Variants in CHST5 observed in about 807,000 individuals in gnomAD.
CHST5 encodes the protein carbohydrate sulfotransferase 5.
For missense variants in CHST5, 637 were observed against 602.1 expected (o/e 1.06, Z -0.61); for synonymous variants, 313 against 279.2 (o/e 1.12, Z -1.21).
In CHST5 at chr16:75,528,981, C is replaced by G. The variant is rs2080485370; in HGVS notation, c.*168G>C. On this transcript the variant is annotated 3_prime_UTR_variant, in exon 4 of 4. Transcript: ENST00000336257. ...GAAGACTCAAAGGAAAACCGAGAAT[C>G]AGGAGAGAAAGAAACGTGCAGTCCT... The G allele has an allele frequency of 1.5e-6, 1 of 670,632 alleles. No individual in the cohort carries two copies. Among genetic ancestry groups the G allele is most frequent in the South Asian group, 2.4e-5 (1 of 41,500 alleles). The allele number at this position is 670,632 out of a possible 1,614,324, so 41.5% of individuals were successfully genotyped here. A position where few individuals can be genotyped will look rare whatever the true frequency, so the allele number is the denominator to read the frequency against.
Position 75,529,174 on chromosome 16 carries a change from T to C in CHST5, c.1211A>G (p.His404Arg). ...TCAGTCAGGCGATGCCCAGCTGAAG[T>C]GGTCTGGGCCTCGTGGCAGCACCAG... ...LDLVLPRGPD[H>R]FSWASPD Residue 404 changes from histidine (H) to arginine (R), a missense_variant, in exon 4 of 4, where the codon CAC becomes CGC. Coordinates refer to ENST00000336257, the MANE Select transcript of CHST5 (RefSeq NM_024533.5). The C allele has an allele frequency of 1.9e-6, 3 of 1,592,200 alleles. No individual in the cohort carries two copies. Among genetic ancestry groups the C allele is most frequent in the Non-Finnish European group, 2.6e-6 (3 of 1,166,706 alleles).
chr16:75,531,688 C>T, intron 3 of CHST5, 48 bp from the exon 4 acceptor site: 1 of 1,272,744 alleles, frequency 7.9e-7, no homozygotes, highest in Non-Finnish European at 1.0e-6. Flanking sequence ...AGAGAGACAG[C>T]CCTGTACATA....
intron 2 of CHST5, among the ~76,000 whole-genome samples, chr16:75,534,756 C>G: frequency 6.6e-6 from 1 of 152,356 alleles, no homozygotes; most frequent in South Asian, 2.1e-4. Context: ...CAGTGAGGCA[C>G]GACTCCACTT....
At position 75,535,317 on chromosome 16, in the gene CHST5, G is replaced by C. The variant is rs2080553428; in HGVS notation, c.-1542C>G. 1 of 152,384 alleles carries C rather than the reference G, an allele frequency of 6.6e-6. No individual in the cohort carries two copies. Among genetic ancestry groups the C allele is most frequent in the Non-Finnish European group, 1.5e-5 (1 of 68,146 alleles). The allele number at this position is 152,384 out of a possible 1,614,324, so 9.4% of individuals were successfully genotyped here. A position where few individuals can be genotyped will look rare whatever the true frequency, so the allele number is the denominator to read the frequency against. On this transcript the variant is annotated 5_prime_UTR_variant, in exon 2 of 4. Coordinates refer to ENST00000336257, the MANE Select transcript of CHST5 (RefSeq NM_024533.5). ...TCCCAAGACTATTAAGGGACACCCA[G>C]TGAGGCTGGGAAAGGGGCTCTAAGA...
At position 75,531,320 on chromosome 16, in the gene CHST5, C is replaced by CAAA. The variant is rs370791209; in HGVS notation, c.-939_-937dup. On this transcript the variant is annotated 5_prime_UTR_variant, in exon 4 of 4. Coordinates refer to ENST00000336257, the MANE Select transcript of CHST5 (RefSeq NM_024533.5). ...CTGAGTGAAGAGTGAGACTCCGTTTCAAAAAAAAAAAAAAAAACAACAAAA... is the reference window on the plus strand; with the variant it reads ...CTGAGTGAAGAGTGAGACTCCGTTTCAAAAAAAAAAAAAAAAAAAACAACAAAA... 3.1e-3 allele frequency: 2,306 copies of CAAA among 739,802 alleles called. No individual in the cohort carries two copies. Among genetic ancestry groups the CAAA allele is most frequent in the East Asian group, 8.7e-3 (59 of 6,760 alleles). 45.8% of individuals were successfully genotyped at this position (739,802 alleles called of 1,614,324 possible). A position where few individuals can be genotyped will look rare whatever the true frequency, so the allele number is the denominator to read the frequency against.
chr16:75,533,008 G>C, intron 3 of CHST5, 81 bp downstream of exon 3: 1 of 640,456 alleles, frequency 1.6e-6, no homozygotes, highest in Non-Finnish European at 2.8e-6. Flanking sequence ...CTGCTGCTCT[G>C]GCCCAAACAC....
At position 75,536,094 on chromosome 16, in the gene CHST5, G is replaced by C. The variant is rs567956643; in HGVS notation, c.-1685C>G. 6.6e-6 allele frequency among the ~76,000 whole-genome samples: 1 copy of C among 152,314 alleles called. No homozygotes were observed. The highest frequency in any genetic ancestry group is 2.1e-4 in the South Asian group (1 of 4,832). On this transcript the variant is annotated 5_prime_UTR_variant, in exon 1 of 4. Coordinates refer to ENST00000336257, the MANE Select transcript of CHST5 (RefSeq NM_024533.5). ...CCTCCCGGTGCAGTGTCCCAGCTGG[G>C]AGGAGTTGAAAGACCAGGTGGCCTT...
At position 75,528,732 on chromosome 16, in the gene CHST5, G is replaced by A. The variant is rs1033200685; in HGVS notation, c.*417C>T. The A allele has an allele frequency of 1.2e-5, 2 of 160,782 alleles. No homozygotes were observed. 10.0% of individuals were successfully genotyped at this position (160,782 alleles called of 1,614,324 possible). A position where few individuals can be genotyped will look rare whatever the true frequency, so the allele number is the denominator to read the frequency against. On this transcript the variant is annotated 3_prime_UTR_variant, in exon 4 of 4. Transcript: ENST00000336257. ...CGGACTAATTTTTGCATTTTTAGTA[G>A]AGAGGGGGTTTCACTATGTTGGCCA...
In CHST5 at chr16:75,531,551, G is replaced by A. The variant is rs960326211; in HGVS notation, c.-1167C>T. 47 of 1,303,534 alleles carry A rather than the reference G, an allele frequency of 3.6e-5. No individual in the cohort carries two copies. The highest frequency in any genetic ancestry group is 4.4e-5 in the Non-Finnish European group (44 of 988,888). 80.7% of individuals were successfully genotyped at this position (1,303,534 alleles called of 1,614,324 possible). On this transcript the variant is annotated 5_prime_UTR_variant, in exon 4 of 4. Coordinates refer to ENST00000336257, the MANE Select transcript of CHST5 (RefSeq NM_024533.5). ...AGCAGAGAGGTGAGAGCAGAGTACT[G>A]TCCTGGCCAGCTGAGGGGACTCACC...
At chr16:75,535,701 G>A (rs2080556402) in intron 1 of CHST5, among the ~76,000 whole-genome samples, 1 of 151,838 alleles carries the variant, frequency 6.6e-6, no homozygotes, top group Non-Finnish European at 1.5e-5. Flanking sequence ...CCCCACCCCC[G>A]ACCGAGGGGC....
At chr16:75,533,638 G>A (rs1597029823) in intron 2 of CHST5, among the ~76,000 whole-genome samples, 1 of 152,124 alleles carries the variant, frequency 6.6e-6, no homozygotes, top group South Asian at 2.1e-4. Context: ...CGCAGACTTG[G>A]CCTCCCAAAG....
At chr16:75,535,550 A>G (rs996448232) in intron 1 of CHST5, among the ~76,000 whole-genome samples, 141 bp from the exon 2 acceptor site, 22 of 152,334 alleles carry the variant, frequency 1.4e-4, no homozygotes, top group African/African-American at 4.6e-4. Flanking sequence ...GCGCCGGCCA[A>G]CAACCCTCGG....
chr16:75,529,795 T>A lies in CHST5; in HGVS notation c.590A>T (p.Glu197Val), dbSNP rs1177494932. The A allele has an allele frequency of 6.2e-7, 1 of 1,613,780 alleles. No individual in the cohort carries two copies. Among genetic ancestry groups the A allele is most frequent in the Admixed American group, 1.7e-5 (1 of 60,024 alleles). The stretch of plus-strand genomic sequence containing the variant: ...CACCTGCAGGTTGAAGAAGCGCACC[T>A]CCTTGAGCACCACGTGGCTGTAGGA... Reference protein sequence around the residue: ...CRSYSHVVLKEVRFFNLQVLY... With the variant: ...CRSYSHVVLKVVRFFNLQVLY... Residue 197 changes from glutamate (E) to valine (V), a missense_variant, in exon 4 of 4, where the codon GAG (glutamate) becomes GTG (valine). Glu to Val is a moderately radical substitution (Grantham distance 121, BLOSUM62 -2). Transcript: ENST00000336257.
intron 1 of CHST5, among the ~76,000 whole-genome samples, 155 bp downstream of exon 1, chr16:75,535,889 C>A (rs906040266): frequency 1.3e-5 from 2 of 152,186 alleles, no homozygotes; most frequent in African/African-American, 4.8e-5. Context: ...CGCCAGAGAA[C>A]CTGGGAGCTC....
rs953804041 is a variant in CHST5, at chr16:75,528,539, T to A, written c.*610A>T. 1 of 152,176 alleles carries A rather than the reference T, an allele frequency of 6.6e-6. No individual in the cohort carries two copies. The highest frequency in any genetic ancestry group is 1.5e-5 in the Non-Finnish European group (1 of 68,054). The allele number at this position is 152,176 out of a possible 1,614,324, so 9.4% of individuals were successfully genotyped here. A position where few individuals can be genotyped will look rare whatever the true frequency, so the allele number is the denominator to read the frequency against. On this transcript the variant is annotated 3_prime_UTR_variant, in exon 4 of 4. Transcript: ENST00000336257. ...GTTACAGTTCACTAGATTGCAGGAC[T>A]TTTGAACAAATTTATTACTTATTTT...
Position 75,531,345 on chromosome 16 carries a change from A to AC in CHST5, c.-962_-961insG. The AC allele has an allele frequency of 9.5e-7, 1 of 1,054,658 alleles. No individual in the cohort carries two copies. The highest frequency in any genetic ancestry group is 1.7e-5 in the African/African-American group (1 of 57,556). The allele number at this position is 1,054,658 out of a possible 1,614,324, so 65.3% of individuals were successfully genotyped here. A position where few individuals can be genotyped will look rare whatever the true frequency, so the allele number is the denominator to read the frequency against. The stretch of plus-strand genomic sequence containing the variant: ...CAAAAAAAAAAAAAAAAACAACAAA[A>AC]AAAAAACTTTTGTCATTAAAGATAA... On this transcript the variant is annotated 5_prime_UTR_variant, in exon 4 of 4. The change abolishes the stop of an existing upstream ORF in the 5' untranslated region. Coordinates refer to ENST00000336257, the MANE Select transcript of CHST5 (RefSeq NM_024533.5).
intron 3 of CHST5, among the ~76,000 whole-genome samples, chr16:75,531,910 G>A (rs987770887): frequency 6.6e-6 from 1 of 152,184 alleles, no homozygotes; most frequent in Admixed American, 6.5e-5. Flanking sequence ...ATGGATGGAA[G>A]CGAGAGAGCT....
At chr16:75,535,771 C>A (rs970084146) in intron 1 of CHST5, among the ~76,000 whole-genome samples, 2 of 152,230 alleles carry the variant, frequency 1.3e-5, no homozygotes, top group African/African-American at 4.8e-5. Context: ...TGGGCTGGGG[C>A]TCTAAGAGGC....
rs370791209 is a variant in CHST5, at chr16:75,531,320, C to CAA, written c.-938_-937dup. On this transcript the variant is annotated 5_prime_UTR_variant, in exon 4 of 4. It introduces an in-frame stop codon into an upstream open reading frame of the 5' UTR. Coordinates refer to ENST00000336257, the MANE Select transcript of CHST5 (RefSeq NM_024533.5). ...CTGAGTGAAGAGTGAGACTCCGTTTCAAAAAAAAAAAAAAAAACAACAAAA... is the reference window on the plus strand; with the variant it reads ...CTGAGTGAAGAGTGAGACTCCGTTTCAAAAAAAAAAAAAAAAAAACAACAAAA... The CAA allele has an allele frequency of 0.037, 26,892 of 725,644 alleles. 9 individuals carry two copies. The highest frequency in any genetic ancestry group is 0.084 in the East Asian group (566 of 6,736). The allele number at this position is 725,644 out of a possible 1,614,324, so 45.0% of individuals were successfully genotyped here. A position where few individuals can be genotyped will look rare whatever the true frequency, so the allele number is the denominator to read the frequency against.
Sources: gnomAD v4.1 joint callset for allele counts (sites outside exome capture counted in the v4.1 genomes callset) on GRCh38, gnomAD v4.1.1 for gene constraint, MANE v1.5 for transcripts, NCBI Gene and HGNC (gene_info 2026-07-23, HGNC 2026-07-21) for gene names.